The following HS3ST2 variants were observed in gnomAD, a reference collection of about 807,000 sequenced individuals.
HS3ST2 encodes heparan sulfate-glucosamine 3-sulfotransferase 2, also known as heparan sulfate glucosamine 3-O-sulfotransferase 2.
A neutral mutation model predicts 26.3 loss-of-function variants in HS3ST2; 17 were observed. The ratio of observed to expected loss-of-function variants is 0.65; its 90% CI spans 0.44 to 0.97. HS3ST2 has a LOEUF of 0.97. Among genes scored for constraint, HS3ST2 ranks in the 50% least tolerant of loss-of-function variants. The pLI is 0.00. For synonymous variants in HS3ST2, 237 were observed against 219.2 expected (o/e 1.08, Z -0.72); for missense variants, 402 against 501.2 (o/e 0.80, Z 1.89).
intron 1 of HS3ST2, among the ~76,000 whole-genome samples, chr16:22,914,634 T>A (rs1427343988): frequency 1.4e-5 from 2 of 141,038 alleles, no homozygotes; most frequent in African/African-American, 2.7e-5. Flanking sequence ...GATGGGAAGA[T>A]GGGAAGATGG....
intron 1 of HS3ST2, among the ~76,000 whole-genome samples, chr16:22,843,910 AACAG>A (rs1270674612): frequency 1.7e-4 from 20 of 119,492 alleles, no homozygotes; most frequent in Middle Eastern, 4.9e-3. Flanking sequence ...GAAGGCAAGA[AACAG>A]ACAGTTTCCT....
chr16:22,874,697 C>G (rs1320801085), intron 1 of HS3ST2, among the ~76,000 whole-genome samples: 1 of 152,224 alleles, frequency 6.6e-6, no homozygotes, highest in Non-Finnish European at 1.5e-5. Context: ...CAAGACAGTA[C>G]TGGGACCTGG....
chr16:22,815,003 G>T lies in HS3ST2; in HGVS notation c.393G>T (p.Leu131=). Residue 131 remains leucine, a synonymous_variant, in exon 1 of 2, where the codon CTG becomes CTT. Coordinates refer to ENST00000261374, the MANE Select transcript of HS3ST2 (RefSeq NM_006043.2). ...AGAAGGGGGGCACCCGGGCCGTGCTGGAGTTTATCCGAGTACACCCGGACG... is the reference window on the plus strand; with the variant it reads ...AGAAGGGGGGCACCCGGGCCGTGCTTGAGTTTATCCGAGTACACCCGGACG... The part of the protein sequence containing the change: ...GVKKGGTRAV[L]EFIRVHPDVR... 6.2e-7 allele frequency: 1 copy of T among 1,613,174 alleles called. No homozygotes were observed. Among genetic ancestry groups the T allele is most frequent in the Non-Finnish European group, 8.5e-7 (1 of 1,180,010 alleles).
intron 1 of HS3ST2, among the ~76,000 whole-genome samples, chr16:22,910,027 A>T (rs1255649862): frequency 1.6e-5 from 2 of 123,474 alleles, no homozygotes; most frequent in Non-Finnish European, 3.3e-5. Context: ...ACAAGAGCAA[A>T]ACTCCATCTC....
chr16:22,910,680 C>T (rs938214492), intron 1 of HS3ST2, among the ~76,000 whole-genome samples: 10 of 152,176 alleles, frequency 6.6e-5, no homozygotes, highest in African/African-American at 2.2e-4. Context: ...ACGATTTCAA[C>T]TTTCAACCAA....
chr16:22,904,021 A>G (rs1851250560), intron 1 of HS3ST2, among the ~76,000 whole-genome samples: 1 of 152,066 alleles, frequency 6.6e-6, no homozygotes, highest in African/African-American at 2.4e-5. Context: ...TAATCAAACA[A>G]CTGGCTGATT....
At chr16:22,868,055 T>A (rs894652660) in intron 1 of HS3ST2, among the ~76,000 whole-genome samples, 16 of 152,074 alleles carry the variant, frequency 1.1e-4, no homozygotes, top group Non-Finnish European at 1.6e-4. Context: ...TCTGCTTTTT[T>A]AAAAAAATAT....
At chr16:22,869,245 C>T (rs184345734) in intron 1 of HS3ST2, among the ~76,000 whole-genome samples, 96 of 152,178 alleles carry the variant, frequency 6.3e-4, no homozygotes, top group African/African-American at 2.2e-3. Flanking sequence ...AAAGGTCTTC[C>T]AACACCCATG....
chr16:22,865,326 G>A (rs896660498), intron 1 of HS3ST2, among the ~76,000 whole-genome samples: 1 of 151,982 alleles, frequency 6.6e-6, no homozygotes, highest in Non-Finnish European at 1.5e-5. Flanking sequence ...AGGCCGAGGA[G>A]GGCAGATCAT....
chr16:22,878,077 C>T (rs1901942897), intron 1 of HS3ST2, among the ~76,000 whole-genome samples: 1 of 152,186 alleles, frequency 6.6e-6, no homozygotes. Context: ...AGAGTCCAGG[C>T]TGTGCAAAGG....
intron 1 of HS3ST2, among the ~76,000 whole-genome samples, chr16:22,842,581 A>G (rs1480930888): frequency 1.3e-5 from 2 of 152,014 alleles, no homozygotes; most frequent in Non-Finnish European, 2.9e-5. Context: ...TTATATTTTT[A>G]TCAGAATACA....
intron 1 of HS3ST2, among the ~76,000 whole-genome samples, chr16:22,902,303 AAT>A (rs1367147780): frequency 1.3e-5 from 2 of 152,172 alleles, no homozygotes; most frequent in Non-Finnish European, 2.9e-5. Flanking sequence ...TTTTTATTAC[AAT>A]GTTGCAGTAG....
chr16:22,858,650 C>T (rs1369103611), intron 1 of HS3ST2, among the ~76,000 whole-genome samples: 2 of 152,080 alleles, frequency 1.3e-5, no homozygotes, highest in East Asian at 3.9e-4. Flanking sequence ...AAAAGACAAA[C>T]TTGCAGCTAG....
chr16:22,902,740 A>T (rs1187883329), intron 1 of HS3ST2, among the ~76,000 whole-genome samples: 1 of 152,208 alleles, frequency 6.6e-6, no homozygotes, highest in East Asian at 1.9e-4. Flanking sequence ...CCAGCCTTAC[A>T]GGTGAATAAT....
chr16:22,888,915 C>G (rs1289516341), intron 1 of HS3ST2, among the ~76,000 whole-genome samples: 1 of 152,200 alleles, frequency 6.6e-6, no homozygotes, highest in Non-Finnish European at 1.5e-5. Flanking sequence ...AAGCATTTCT[C>G]TTTGTTTTGT....
rs550617470 is a variant in HS3ST2, at chr16:22,828,609, A to G, written c.485+13514A>G. The stretch of plus-strand genomic sequence containing the variant: ...TTTTAATAAAGATATGAAATCATCT[A>G]ACAGCTTTCATTTTGCTCAGGCGAG... On this transcript the variant is annotated intron_variant, in intron 1 of 1. Coordinates refer to ENST00000261374, the MANE Select transcript of HS3ST2 (RefSeq NM_006043.2). 2.6e-5 allele frequency among the ~76,000 whole-genome samples: 4 copies of G among 152,366 alleles called. No homozygotes were observed. The South Asian group carries it at 8.3e-4, about 32-fold the overall frequency.
At chr16:22,914,070 G>A (rs1489035703) in intron 1 of HS3ST2, among the ~76,000 whole-genome samples, 2 of 151,878 alleles carry the variant, frequency 1.3e-5, no homozygotes, top group Non-Finnish European at 2.9e-5. Flanking sequence ...CCTGGAGTTC[G>A]AGGCTTCAGT....
chr16:22,915,698 AC>A lies in HS3ST2; in HGVS notation c.*138del. 1.0e-6 allele frequency: 1 copy of A among 955,398 alleles called. No homozygotes were observed. Among genetic ancestry groups the A allele is most frequent in the Non-Finnish European group, 1.6e-6 (1 of 638,672 alleles). 59.2% of individuals were successfully genotyped at this position (955,398 alleles called of 1,614,324 possible). ...CCAACTTGAGTTGCATCATCTTGGA[AC>A]CAGGAAGCCCAGCTAAAGCCAAGAG... On this transcript the variant is annotated 3_prime_UTR_variant, in exon 2 of 2. Coordinates refer to ENST00000261374, the MANE Select transcript of HS3ST2 (RefSeq NM_006043.2).
intron 1 of HS3ST2, among the ~76,000 whole-genome samples, chr16:22,899,878 C>T (rs532475384): frequency 6.6e-5 from 10 of 152,314 alleles, no homozygotes; most frequent in African/African-American, 1.2e-4. Flanking sequence ...ATAGGAATTA[C>T]GGGAGCTACA....
Sources: gnomAD v4.1 joint callset for allele counts (sites outside exome capture counted in the v4.1 genomes callset) on GRCh38, gnomAD v4.1.1 for gene constraint, MANE v1.5 for transcripts, NCBI Gene and HGNC (gene_info 2026-07-23, HGNC 2026-07-21) for gene names.